The following SLC35F4 variants were observed in gnomAD, a reference collection of about 807,000 sequenced individuals.
The protein encoded by SLC35F4 is solute carrier family 35 member F4.
A neutral mutation model predicts 44.2 loss-of-function variants in SLC35F4; 24 were observed. That is an observed-to-expected ratio of 0.54 (90% CI 0.39 to 0.76). The LOEUF is 0.76. SLC35F4 is among the 30% of genes least tolerant of loss of function. The pLI is 0.00. For missense variants in SLC35F4, 562 were observed against 586.1 expected, an observed-to-expected ratio of 0.96 and a Z score of 0.42; for synonymous variants, 238 against 223.6, an observed-to-expected ratio of 1.06 and a Z score of -0.57.
chr14:57,667,542 T>C (rs1247704604), intron 1 of SLC35F4, among the ~76,000 whole-genome samples: 2 of 144,776 alleles, frequency 1.4e-5, no homozygotes, highest in East Asian at 2.2e-4. Context: ...TGTCCACATG[T>C]TCTCAATGTT....
At chr14:57,603,333 A>G (rs550363817) in intron 1 of SLC35F4, among the ~76,000 whole-genome samples, 155 of 152,312 alleles carry the variant, frequency 1.0e-3, no homozygotes, top group Non-Finnish European at 2.9e-4. Context: ...AACTCCTTAA[A>G]TATATTTAAC....
intron 1 of SLC35F4, among the ~76,000 whole-genome samples, chr14:57,969,648 A>G (rs1027428203): frequency 1.3e-5 from 2 of 152,164 alleles, no homozygotes; most frequent in African/African-American, 4.8e-5. Flanking sequence ...GTTGCATAAC[A>G]TTCATAGTTA....
chr14:57,738,227 A>G (rs1566809625), intron 1 of SLC35F4, among the ~76,000 whole-genome samples: 2 of 152,178 alleles, frequency 1.3e-5, no homozygotes, highest in South Asian at 2.1e-4. Flanking sequence ...TTGAGTGTCT[A>G]TTTATATGGC....
At chr14:57,866,969 T>TA (rs1888182311), upstream of SLC35F4, among the ~76,000 whole-genome samples, 1 of 122,716 alleles carries the variant, frequency 8.1e-6, no homozygotes, top group South Asian at 2.4e-4. Flanking sequence ...ATAATAATAA[T>TA]AATAATAATA....
chr14:57,646,663 G>A (rs76368186), intron 1 of SLC35F4, among the ~76,000 whole-genome samples: 20,326 of 151,890 alleles, frequency 0.13, 1,610 homozygotes, highest in East Asian at 0.22. Context: ...CCTTCTGTTC[G>A]CTTTTGAATG....
At chr14:57,743,752 G>C (rs2076683321) in intron 1 of SLC35F4, among the ~76,000 whole-genome samples, 1 of 152,130 alleles carries the variant, frequency 6.6e-6, no homozygotes, top group South Asian at 2.1e-4. Flanking sequence ...TGAAACCAAA[G>C]GCTGGCAAAG....
intron 1 of SLC35F4, among the ~76,000 whole-genome samples, chr14:57,746,533 T>C (rs1044122782): frequency 6.6e-6 from 1 of 152,196 alleles, no homozygotes; most frequent in African/African-American, 2.4e-5. Flanking sequence ...TTTTTATACA[T>C]TGCTGTATTC....
At chr14:57,673,190 C>A (rs78226996) in intron 1 of SLC35F4, among the ~76,000 whole-genome samples, 22,683 of 151,990 alleles carry the variant, frequency 0.15, 1,910 homozygotes, top group East Asian at 0.29. Flanking sequence ...GCATGAACAA[C>A]ACAACTAAAA....
At chr14:57,630,648 G>A in intron 1 of SLC35F4, 1 of 716,656 alleles carries the variant, frequency 1.4e-6, no homozygotes, top group East Asian at 2.8e-5. Context: ...GTCAAAATCG[G>A]TATCAAGGTC....
chr14:57,653,946 C>T (rs1354178007), intron 1 of SLC35F4, among the ~76,000 whole-genome samples: 1 of 152,250 alleles, frequency 6.6e-6, no homozygotes, highest in Non-Finnish European at 1.5e-5. Flanking sequence ...CATGCTGCTC[C>T]CCTAGCTTCT....
intron 1 of SLC35F4, among the ~76,000 whole-genome samples, chr14:57,911,120 G>A (rs1474324818): frequency 1.3e-5 from 2 of 151,878 alleles, no homozygotes; most frequent in Admixed American, 6.6e-5. Context: ...TGTTAACCTT[G>A]TATTCTGTAA....
chr14:57,654,792 G>C (rs983198835), intron 1 of SLC35F4, among the ~76,000 whole-genome samples: 4 of 152,156 alleles, frequency 2.6e-5, no homozygotes, highest in African/African-American at 9.7e-5. Context: ...TAGTTTCCAA[G>C]TATGGTTGCA....
At chr14:57,814,774 G>A (rs187568205) in intron 1 of SLC35F4, among the ~76,000 whole-genome samples, 12 of 152,314 alleles carry the variant, frequency 7.9e-5, no homozygotes, top group East Asian at 1.9e-4. Flanking sequence ...TGGGTATGGC[G>A]ATGGAATAGG....
At chr14:57,908,391 T>G (rs1158540614) in intron 1 of SLC35F4, among the ~76,000 whole-genome samples, 2 of 152,254 alleles carry the variant, frequency 1.3e-5, no homozygotes, top group African/African-American at 4.8e-5. Context: ...ATGGTTGAAC[T>G]AATTTACATT....
intron 1 of SLC35F4, among the ~76,000 whole-genome samples, chr14:57,680,611 T>C (rs893634299): frequency 1.3e-5 from 2 of 152,072 alleles, no homozygotes; most frequent in Non-Finnish European, 2.9e-5. Context: ...ACTGTATATT[T>C]AGAAAACCCC....
At chr14:57,780,259 C>T (rs2077584770) in intron 1 of SLC35F4, among the ~76,000 whole-genome samples, 2 of 152,042 alleles carry the variant, frequency 1.3e-5, no homozygotes, top group Non-Finnish European at 2.9e-5. Flanking sequence ...AATCAATGTA[C>T]AAAAATCATT....
At chr14:57,921,907 C>T (rs764110757) in intron 1 of SLC35F4, among the ~76,000 whole-genome samples, 11 of 152,126 alleles carry the variant, frequency 7.2e-5, no homozygotes, top group Non-Finnish European at 1.6e-4. Context: ...AGGCAAAATT[C>T]AACCCGCAAC....
chr14:57,751,317 C>G (rs1279118810), intron 1 of SLC35F4, among the ~76,000 whole-genome samples: 1 of 152,088 alleles, frequency 6.6e-6, no homozygotes, highest in East Asian at 1.9e-4. Flanking sequence ...TAGTAAGTAT[C>G]TCTACTTTAA....
At chr14:57,774,170 G>A (rs923548671) in intron 1 of SLC35F4, among the ~76,000 whole-genome samples, 4 of 152,114 alleles carry the variant, frequency 2.6e-5, no homozygotes, top group Non-Finnish European at 5.9e-5. Context: ...GGCACTGAGA[G>A]TGAACAGAGA....
Sources: gnomAD v4.1 joint callset for allele counts (sites outside exome capture counted in the v4.1 genomes callset) on GRCh38, gnomAD v4.1.1 for gene constraint, MANE v1.5 for transcripts, NCBI Gene and HGNC (gene_info 2026-07-23, HGNC 2026-07-21) for gene names.